IL20RB: variants seen among roughly 807,000 people sequenced by gnomAD.
IL20RB encodes interleukin-20 receptor subunit beta.
In IL20RB, 21 loss-of-function variants were observed where a neutral mutation model predicts 33.3. The ratio of observed to expected loss-of-function variants is 0.63; its 90% CI spans 0.45 to 0.91. The LOEUF is 0.91. Among genes scored for constraint, IL20RB ranks in the 40% least tolerant of loss-of-function variants. IL20RB has a pLI of 0.00. For synonymous variants in IL20RB, 147 were observed against 146.8 expected (o/e 1.00, Z -0.01); for missense variants, 345 against 384.8 (o/e 0.90, Z 0.86).
At chr3:136,992,117 C>T in intron 5 of IL20RB, 29 bp downstream of exon 5, 1 of 1,610,896 alleles carries the variant, frequency 6.2e-7, no homozygotes, top group Non-Finnish European at 8.5e-7. Flanking sequence ...TCCCTGGAGC[C>T]CTGCACAGGT....
chr3:136,959,956 GTTA>G (rs1483122077), intron 1 of IL20RB, among the ~76,000 whole-genome samples: 1 of 152,088 alleles, frequency 6.6e-6, no homozygotes, highest in Non-Finnish European at 1.5e-5. Flanking sequence ...TCAAATGTTA[GTTA>G]TTATTATCTG....
intron 5 of IL20RB, among the ~76,000 whole-genome samples, chr3:136,992,460 G>A (rs1011952467): frequency 2.6e-5 from 4 of 152,332 alleles, no homozygotes; most frequent in African/African-American, 9.6e-5. Flanking sequence ...GAGGTGCTAC[G>A]TTGTATAACA....
chr3:137,005,780 G>A (rs1002803845), intron 6 of IL20RB, among the ~76,000 whole-genome samples: 10 of 152,150 alleles, frequency 6.6e-5, no homozygotes, highest in Non-Finnish European at 1.5e-4. Flanking sequence ...GGTTAATATT[G>A]TTATGTGTGA....
At chr3:137,006,238 G>T (rs1313857408) in intron 6 of IL20RB, among the ~76,000 whole-genome samples, 6 of 132,134 alleles carry the variant, frequency 4.5e-5, no homozygotes, top group Non-Finnish European at 1.1e-4. Context: ...TGACAATTAT[G>T]TGTCTTGGGG....
chr3:137,000,598 T>G (rs1471760368), intron 6 of IL20RB, among the ~76,000 whole-genome samples: 1 of 152,240 alleles, frequency 6.6e-6, no homozygotes, highest in Non-Finnish European at 1.5e-5. Flanking sequence ...AGTTGTAATC[T>G]GAGGAGTGTT....
chr3:136,981,865 T>A (rs1162003497), intron 2 of IL20RB, among the ~76,000 whole-genome samples: 1 of 152,028 alleles, frequency 6.6e-6, no homozygotes, highest in African/African-American at 2.4e-5. Flanking sequence ...AGCTGGGAGA[T>A]CACAGCAAGG....
chr3:136,995,320 G>A (rs1327174017), intron 5 of IL20RB, 94 bp from the exon 6 acceptor site: 6 of 1,433,510 alleles, frequency 4.2e-6, no homozygotes, highest in Non-Finnish European at 5.8e-6. Context: ...TAGCCAATGT[G>A]CAGAGTCAAC....
chr3:136,986,757 T>C (rs1226400425), intron 3 of IL20RB: 1 of 456,910 alleles, frequency 2.2e-6, no homozygotes, highest in Admixed American at 2.3e-5. Context: ...TCTCACTGAC[T>C]TCAAGAATGA....
chr3:136,999,317 G>C (rs1942195445), intron 6 of IL20RB, among the ~76,000 whole-genome samples: 1 of 152,086 alleles, frequency 6.6e-6, no homozygotes, highest in African/African-American at 2.4e-5. Flanking sequence ...GGTTGGTCTT[G>C]AACTCCTGGC....
At chr3:136,996,961 A>G (rs1439847969) in intron 6 of IL20RB, among the ~76,000 whole-genome samples, 5 of 152,126 alleles carry the variant, frequency 3.3e-5, no homozygotes, top group African/African-American at 9.7e-5. Flanking sequence ...GAAGTGTTTT[A>G]TATATATCAA....
chr3:136,984,075 G>A (rs1362439015), intron 3 of IL20RB, among the ~76,000 whole-genome samples: 1 of 152,234 alleles, frequency 6.6e-6, no homozygotes, highest in Non-Finnish European at 1.5e-5. Context: ...CTGAGCTTAA[G>A]TGATCCTCTT....
At chr3:136,983,238 C>T (rs540372892) in intron 3 of IL20RB, among the ~76,000 whole-genome samples, 4 of 152,264 alleles carry the variant, frequency 2.6e-5, no homozygotes, top group African/African-American at 9.6e-5. Flanking sequence ...CAGGCGTGCA[C>T]CACCATGCCT....
chr3:136,967,160 A>G (rs1214620693), intron 1 of IL20RB, among the ~76,000 whole-genome samples: 1 of 148,828 alleles, frequency 6.7e-6, no homozygotes, highest in Admixed American at 6.7e-5. Flanking sequence ...GTGCTGAAAA[A>G]AATGTATATT....
intron 1 of IL20RB, 67 bp downstream of exon 1, chr3:136,958,268 C>G (rs1487054710): frequency 1.1e-6 from 1 of 922,694 alleles, no homozygotes; most frequent in Non-Finnish European, 1.8e-6. Context: ...GCAAAAAATA[C>G]TTTCCCAGGG....
chr3:136,988,798 G>A (rs1941968726), intron 3 of IL20RB, among the ~76,000 whole-genome samples: 1 of 152,034 alleles, frequency 6.6e-6, no homozygotes, highest in Admixed American at 6.6e-5. Flanking sequence ...CTGAGAACTG[G>A]GCTGAGAATA....
At chr3:136,960,589 A>G (rs1478137065) in intron 1 of IL20RB, among the ~76,000 whole-genome samples, 1 of 152,228 alleles carries the variant, frequency 6.6e-6, no homozygotes, top group South Asian at 2.1e-4. Context: ...TTGTGCCTTC[A>G]GTTAGCAAAA....
At position 136,982,145 on chromosome 3, in the gene IL20RB, T is replaced by C; in HGVS notation, c.216-15T>C. On this transcript the variant is annotated splice_polypyrimidine_tract_variant and intron_variant, in intron 2 of 6. Coordinates refer to ENST00000329582, the MANE Select transcript of IL20RB (RefSeq NM_144717.4). ...GAGGGGCTGGTGTAACTCTGTGCCCTCCTCTCTTTGACAGGGAGTACGAGA... is the reference window on the plus strand; with the variant it reads ...GAGGGGCTGGTGTAACTCTGTGCCCCCCTCTCTTTGACAGGGAGTACGAGA... The C allele has an allele frequency of 6.5e-7, 1 of 1,532,868 alleles. No individual in the cohort carries two copies. The highest frequency in any genetic ancestry group is 8.9e-7 in the Non-Finnish European group (1 of 1,128,456). 95.0% of individuals were successfully genotyped at this position (1,532,868 alleles called of 1,614,324 possible).
chr3:136,970,903 C>T lies in IL20RB; in HGVS notation c.89-9563C>T, dbSNP rs143742291. 3.1e-3 allele frequency among the ~76,000 whole-genome samples: 466 copies of T among 152,148 alleles called. 2 individuals carry two copies. Among genetic ancestry groups the T allele is most frequent in the Admixed American group, 5.3e-3 (81 of 15,286 alleles). ...TCCTGACCTCGTGATCCGCCCGGCTCGGCCTCCCAAAGTGCTGGGATTACA... is the reference window on the plus strand; with the variant it reads ...TCCTGACCTCGTGATCCGCCCGGCTTGGCCTCCCAAAGTGCTGGGATTACA... On this transcript the variant is annotated intron_variant, in intron 1 of 6. Transcript: ENST00000329582.
intron 6 of IL20RB, among the ~76,000 whole-genome samples, chr3:137,004,683 T>A (rs549012442): frequency 7.9e-5 from 12 of 152,236 alleles, no homozygotes; most frequent in Non-Finnish European, 1.8e-4. Flanking sequence ...TTGCTAGCAG[T>A]CTATCAGTTT....
Sources: gnomAD v4.1 joint callset for allele counts (sites outside exome capture counted in the v4.1 genomes callset) on GRCh38, gnomAD v4.1.1 for gene constraint, MANE v1.5 for transcripts, NCBI Gene and HGNC (gene_info 2026-07-23, HGNC 2026-07-21) for gene names.